Variants in GALNTL6 observed in about 807,000 individuals in gnomAD.
GALNTL6 encodes polypeptide N-acetylgalactosaminyltransferase-like 6.
GALNTL6 carries 46 observed loss-of-function variants against 73.7 expected under a neutral mutation model. The ratio of observed to expected loss-of-function variants is 0.62; its 90% CI spans 0.49 to 0.80. The LOEUF (loss-of-function observed/expected upper bound fraction) is 0.80. Ranked by LOEUF, GALNTL6 falls within the 30% of genes least tolerant of loss-of-function variation. GALNTL6 has a pLI of 0.00. For missense variants in GALNTL6, 604 were observed against 755.0 expected, an observed-to-expected ratio of 0.80 and a Z score of 2.34; for synonymous variants, 259 against 263.7, an observed-to-expected ratio of 0.98 and a Z score of 0.17.
rs1753848024 is a variant in GALNTL6, at chr4:173,040,173, A to G, written c.*73A>G. ...TTTTAGCCAGCATCTGGGTCGAAGGAGTCAGGAATAACATTTCCTCGATCC... is the reference window on the plus strand; with the variant it reads ...TTTTAGCCAGCATCTGGGTCGAAGGGGTCAGGAATAACATTTCCTCGATCC... On this transcript the variant is annotated 3_prime_UTR_variant, in exon 13 of 13. Coordinates refer to ENST00000506823, the MANE Select transcript of GALNTL6 (RefSeq NM_001034845.3). The G allele has an allele frequency of 2.6e-6, 3 of 1,144,328 alleles. No individual in the cohort carries two copies. Among genetic ancestry groups the G allele is most frequent in the Admixed American group, 2.2e-5 (1 of 44,968 alleles). The allele number at this position is 1,144,328 out of a possible 1,614,324, so 70.9% of individuals were successfully genotyped here.
chr4:172,698,732 T>A (rs952888783), intron 5 of GALNTL6, among the ~76,000 whole-genome samples: 14 of 152,160 alleles, frequency 9.2e-5, no homozygotes, highest in Non-Finnish European at 1.9e-4. Flanking sequence ...TCCAGTTTCC[T>A]AAGGAGGTAT....
At chr4:172,371,303 C>T (rs1237178609) in intron 5 of GALNTL6, among the ~76,000 whole-genome samples, 2 of 152,286 alleles carry the variant, frequency 1.3e-5, no homozygotes, top group Non-Finnish European at 2.9e-5. Flanking sequence ...AGATTTAGAT[C>T]CCCTGTTAGG....
intron 2 of GALNTL6, among the ~76,000 whole-genome samples, chr4:172,079,608 C>T (rs1368217804): frequency 1.3e-5 from 2 of 152,064 alleles, no homozygotes; most frequent in Non-Finnish European, 2.9e-5. Flanking sequence ...AATTTTGCCA[C>T]TGTAATAAGT....
chr4:172,337,093 G>C (rs1439468623), intron 4 of GALNTL6, among the ~76,000 whole-genome samples: 1 of 151,748 alleles, frequency 6.6e-6, no homozygotes, highest in Non-Finnish European at 1.5e-5. Flanking sequence ...AGTGACCCCT[G>C]CTCTTTTTTG....
intron 4 of GALNTL6, among the ~76,000 whole-genome samples, chr4:172,341,526 A>C (rs1578974353): frequency 6.6e-6 from 1 of 151,996 alleles, no homozygotes; most frequent in Non-Finnish European, 1.5e-5. Context: ...CCCCACCCAA[A>C]TCTCATCTTG....
At chr4:172,323,661 A>G (rs1740835987) in intron 4 of GALNTL6, among the ~76,000 whole-genome samples, 1 of 152,130 alleles carries the variant, frequency 6.6e-6, no homozygotes, top group Non-Finnish European at 1.5e-5. Context: ...TTTGCTAACT[A>G]TAATATTATT....
At chr4:172,297,511 C>A (rs1256611669) in intron 3 of GALNTL6, among the ~76,000 whole-genome samples, 4 of 152,114 alleles carry the variant, frequency 2.6e-5, no homozygotes, top group Non-Finnish European at 5.9e-5. Flanking sequence ...AGTCTTTAAT[C>A]CATCTTGAAT....
chr4:172,694,466 G>A (rs920793328), intron 5 of GALNTL6, among the ~76,000 whole-genome samples: 3 of 152,194 alleles, frequency 2.0e-5, no homozygotes, highest in African/African-American at 7.2e-5. Flanking sequence ...CCCTGCAAAG[G>A]ACATGAACTC....
chr4:172,497,705 C>A (rs1734113988), intron 5 of GALNTL6, among the ~76,000 whole-genome samples: 1 of 152,150 alleles, frequency 6.6e-6, no homozygotes, highest in South Asian at 2.1e-4. Flanking sequence ...TTCTTATAAT[C>A]CTCATTTTTC....
intron 5 of GALNTL6, among the ~76,000 whole-genome samples, chr4:172,732,349 GT>G (rs1736200855): frequency 6.6e-6 from 1 of 151,996 alleles, no homozygotes; most frequent in Non-Finnish European, 1.5e-5. Flanking sequence ...TGTCAATATA[GT>G]TATTCCTGCT....
At chr4:172,786,141 C>A (rs1183156629) in intron 5 of GALNTL6, among the ~76,000 whole-genome samples, 1 of 151,578 alleles carries the variant, frequency 6.6e-6, no homozygotes, top group Non-Finnish European at 1.5e-5. Flanking sequence ...AAAAAAAGTA[C>A]TTGAACTCCA....
At chr4:172,303,724 A>G (rs1405765306) in intron 3 of GALNTL6, among the ~76,000 whole-genome samples, 1 of 152,228 alleles carries the variant, frequency 6.6e-6, no homozygotes, top group Non-Finnish European at 1.5e-5. Context: ...TCCCTAATAC[A>G]ATACCATTTT....
chr4:172,624,407 T>C lies in GALNTL6; in HGVS notation c.554-184954T>C, dbSNP rs568922199. ...TGGATAGATCCATCTTTCTCTGCTT[T>C]TCCAACCATCCACCTAGAAAAAAAA... On this transcript the variant is annotated intron_variant, in intron 5 of 12. Transcript: ENST00000506823. 2.7e-5 allele frequency among the ~76,000 whole-genome samples: 4 copies of C among 145,752 alleles called. No individual in the cohort carries two copies. The South Asian group carries it at 8.6e-4, about 31-fold the overall frequency.
At chr4:171,884,459 T>C (rs1431566651) in intron 2 of GALNTL6, among the ~76,000 whole-genome samples, 1 of 152,028 alleles carries the variant, frequency 6.6e-6, no homozygotes, top group Non-Finnish European at 1.5e-5. Context: ...ACAAGAAGCT[T>C]AGTGTCATGC....
intron 5 of GALNTL6, among the ~76,000 whole-genome samples, chr4:172,556,131 C>A (rs1326013419): frequency 1.3e-5 from 2 of 152,042 alleles, no homozygotes; most frequent in African/African-American, 2.4e-5. Context: ...ATCTTCCATT[C>A]CATTTCTTGT....
chr4:171,885,641 G>A (rs955473752), intron 2 of GALNTL6, among the ~76,000 whole-genome samples: 21 of 151,896 alleles, frequency 1.4e-4, no homozygotes, highest in Middle Eastern at 3.4e-3. Context: ...CCCTGTCTCC[G>A]CAAAAAATAA....
chr4:172,340,535 A>C (rs1461557022), intron 4 of GALNTL6, among the ~76,000 whole-genome samples: 1 of 152,200 alleles, frequency 6.6e-6, no homozygotes, highest in African/African-American at 2.4e-5. Context: ...TATGGTTGTC[A>C]ATTTTTATTT....
chr4:171,996,125 A>T (rs1190768105), intron 2 of GALNTL6, among the ~76,000 whole-genome samples: 1 of 152,126 alleles, frequency 6.6e-6, no homozygotes, highest in African/African-American at 2.4e-5. Context: ...CCGTACACTT[A>T]ACATTAAGTG....
chr4:172,474,086 C>G (rs1579105224), intron 5 of GALNTL6, among the ~76,000 whole-genome samples: 1 of 152,298 alleles, frequency 6.6e-6, no homozygotes, highest in South Asian at 2.1e-4. Context: ...CACAAGCCTA[C>G]TCGTTGTTCC....
Sources: gnomAD v4.1 joint callset for allele counts (sites outside exome capture counted in the v4.1 genomes callset) on GRCh38, gnomAD v4.1.1 for gene constraint, MANE v1.5 for transcripts, NCBI Gene and HGNC (gene_info 2026-07-23, HGNC 2026-07-21) for gene names.